The following PRSS55 variants were observed in gnomAD, a reference collection of about 807,000 sequenced individuals.
The protein encoded by PRSS55 is serine protease 55, also known as probable serine protease UNQ9391/PRO34284.
PRSS55 carries 41 observed loss-of-function variants against 23.6 expected under a neutral mutation model. That is an observed-to-expected ratio of 1.74 (90% confidence interval 1.35 to 2.26). The LOEUF is 2.26. Among genes scored for constraint, PRSS55 ranks in the 30% most tolerant of loss-of-function variants. The probability of loss-of-function intolerance (pLI) is 0.00; values close to 1 mark genes in which losing one functional copy is unlikely to be tolerated. For synonymous variants in PRSS55, 262 were observed against 175.5 expected (o/e 1.49, Z -3.90); for missense variants, 669 against 439.1 (o/e 1.52, Z -4.68).
chr8:10,554,002 TG>T lies in PRSS55; in HGVS notation c.804del (p.Ser269LeufsTer33), dbSNP rs142551217. On this transcript the variant is annotated frameshift_variant, in exon 5 of 5. Transcript: ENST00000522210. LOFTEE classifies it high-confidence loss of function. ...CCGGAAGCTCTCAAACAAAGCCGCC[TG>T]GGTCTCACACCTTTCATCTGCAAAA... 0.027 allele frequency: 41,419 copies of T among 1,532,504 alleles called. 738 individuals are homozygous for T. The highest frequency in any genetic ancestry group is 0.04 in the South Asian group (3,345 of 82,780). The allele number at this position is 1,532,504 out of a possible 1,614,324, so 94.9% of individuals were successfully genotyped here.
At chr8:10,529,455 A>C (rs774861835) in intron 1 of PRSS55, 52 bp from the exon 2 acceptor site, 2 of 1,575,912 alleles carry the variant, frequency 1.3e-6, no homozygotes, top group Non-Finnish European at 1.7e-6. Flanking sequence ...CTCACACTGG[A>C]TGCTGACTAA....
intron 4 of PRSS55, among the ~76,000 whole-genome samples, chr8:10,549,458 ATG>A (rs1812903215): frequency 6.6e-6 from 1 of 152,134 alleles, no homozygotes; most frequent in South Asian, 2.1e-4. Context: ...GCATGTTGGG[ATG>A]TGGGCTGGGT....
chr8:10,553,958 A>C, exon 5 of PRSS55: 1 of 1,524,052 alleles, frequency 6.6e-7, no homozygotes, highest in Middle Eastern at 1.7e-4. Context: ...CTATTTTCCC[A>C]CTTTACAAAG....
At chr8:10,535,682 T>C (rs1333634326) in intron 4 of PRSS55, among the ~76,000 whole-genome samples, 1 of 152,068 alleles carries the variant, frequency 6.6e-6, no homozygotes, top group Non-Finnish European at 1.5e-5. Flanking sequence ...CATGAGGAAG[T>C]CTCCAAAAGC....
chr8:10,533,144 T>C, intron 4 of PRSS55, 96 bp downstream of exon 4: 3 of 1,335,646 alleles, frequency 2.2e-6, no homozygotes, highest in South Asian at 1.4e-5. Context: ...TAGACAATTC[T>C]GAGTCTGGAA....
chr8:10,537,436 G>A (rs1269553951), intron 4 of PRSS55, among the ~76,000 whole-genome samples: 1 of 152,154 alleles, frequency 6.6e-6, no homozygotes, highest in African/African-American at 2.4e-5. Context: ...TGGAGATAAA[G>A]AATGATGGTT....
downstream of PRSS55, among the ~76,000 whole-genome samples, chr8:10,542,736 G>A (rs1479534405): frequency 6.6e-6 from 1 of 151,924 alleles, no homozygotes; most frequent in Non-Finnish European, 1.5e-5. Flanking sequence ...AGCTGGGTGT[G>A]GTGGCGGGTG....
chr8:10,550,510 G>C (rs1329810205), intron 4 of PRSS55, among the ~76,000 whole-genome samples: 2 of 152,150 alleles, frequency 1.3e-5, no homozygotes, highest in Non-Finnish European at 2.9e-5. Context: ...GGACTTCCAA[G>C]ACAGATACAA....
chr8:10,553,950 A>G (rs986692843), exon 5 of PRSS55: 7 of 1,521,656 alleles, frequency 4.6e-6, no homozygotes, highest in East Asian at 2.5e-5. Flanking sequence ...AAGCAAAGCT[A>G]TTTTCCCACT....
chr8:10,539,346 C>T (rs1001842171), downstream of PRSS55, among the ~76,000 whole-genome samples: 8 of 152,228 alleles, frequency 5.3e-5, no homozygotes, highest in African/African-American at 2.4e-5. Flanking sequence ...AGATACCCTC[C>T]AAGTTGACAT....
At chr8:10,532,775 G>T in intron 3 of PRSS55, 131 bp from the exon 4 acceptor site, 1 of 1,102,178 alleles carries the variant, frequency 9.1e-7, no homozygotes, top group Non-Finnish European at 1.3e-6. Flanking sequence ...AAGGAAGTGA[G>T]GGGCTGCAGA....
In PRSS55 at chr8:10,529,708, C is replaced by A. The variant is rs1390166695; in HGVS notation, c.347+9C>A. 5 of 1,605,336 alleles carry A rather than the reference C, an allele frequency of 3.1e-6. No homozygotes were observed. The highest frequency in any genetic ancestry group is 3.4e-6 in the Non-Finnish European group (4 of 1,173,494). Reference sequence around the variant, plus strand: ...TATTCCGAGGAGCTGTTGTAAGTACCATGGGCCTCCCACTGCCACCTCTCA... The same window carrying A: ...TATTCCGAGGAGCTGTTGTAAGTACAATGGGCCTCCCACTGCCACCTCTCA... On this transcript the variant is annotated intron_variant, in intron 2 of 4. Coordinates refer to ENST00000328655, the MANE Select transcript of PRSS55 (RefSeq NM_198464.4).
intron 4 of PRSS55, among the ~76,000 whole-genome samples, chr8:10,537,343 G>GACATT (rs1489380669): frequency 6.6e-6 from 1 of 152,138 alleles, no homozygotes; most frequent in Non-Finnish European, 1.5e-5. Flanking sequence ...AGAACTGGAG[G>GACATT]ACATTACATT....
chr8:10,549,573 T>A (rs1460438434), intron 4 of PRSS55, among the ~76,000 whole-genome samples: 1 of 152,110 alleles, frequency 6.6e-6, no homozygotes, highest in Non-Finnish European at 1.5e-5. Flanking sequence ...CCACAGATCA[T>A]CAAGAAAAGA....
intron 3 of PRSS55, chr8:10,531,762 G>T: frequency 1.7e-6 from 1 of 601,380 alleles, no homozygotes; most frequent in East Asian, 2.8e-5. Context: ...GATCCAGCTA[G>T]CACAGAGCAG....
At chr8:10,551,992 G>A (rs1412875210) in intron 4 of PRSS55, among the ~76,000 whole-genome samples, 1 of 152,218 alleles carries the variant, frequency 6.6e-6, no homozygotes, top group Admixed American at 6.5e-5. Flanking sequence ...CAGAGCAGCC[G>A]GGTGTGGAGA....
At chr8:10,546,295 G>A (rs1014563651) in intron 4 of PRSS55, among the ~76,000 whole-genome samples, 2 of 152,158 alleles carry the variant, frequency 1.3e-5, no homozygotes, top group Non-Finnish European at 2.9e-5. Flanking sequence ...GCCATACACT[G>A]AACACTCAGG....
At chr8:10,550,954 A>C (rs1400783704) in intron 4 of PRSS55, among the ~76,000 whole-genome samples, 1 of 152,226 alleles carries the variant, frequency 6.6e-6, no homozygotes, top group Non-Finnish European at 1.5e-5. Flanking sequence ...AATTACTCCC[A>C]CTAAAACATT....
chr8:10,541,298 C>G (rs929538609), downstream of PRSS55: 7 of 152,250 alleles, frequency 4.6e-5, no homozygotes, highest in Admixed American at 2.0e-4. Context: ...AATTGGTAAA[C>G]TGTGACGAAG....
Sources: allele counts gnomAD v4.1 joint callset (sites outside exome capture counted in the v4.1 genomes callset), GRCh38; gene constraint gnomAD v4.1.1; transcripts MANE v1.5; gene names NCBI Gene and HGNC (gene_info 2026-07-23, HGNC 2026-07-21).